CDK1: variants seen among roughly 807,000 people sequenced by gnomAD.
The protein encoded by CDK1 is cyclin-dependent kinase 1.
A neutral mutation model predicts 34.6 loss-of-function variants in CDK1; 5 were observed. That is an observed-to-expected ratio of 0.14 (90% CI 0.08 to 0.30). The LOEUF is 0.30. CDK1 is among the 10% of genes least tolerant of loss of function. CDK1 has a pLI of 1.00. For missense variants in CDK1, 157 were observed against 345.7 expected (o/e 0.45, Z 4.33); for synonymous variants, 108 against 114.7 (o/e 0.94, Z 0.37).
chr10:60,788,758 T>A (rs985615217), intron 5 of CDK1, among the ~76,000 whole-genome samples: 2 of 152,098 alleles, frequency 1.3e-5, no homozygotes, highest in Non-Finnish European at 2.9e-5. Context: ...GCATTTAGTG[T>A]TTCTGAAGGA....
At chr10:60,787,761 G>A (rs1018415617) in intron 4 of CDK1, 2 of 171,484 alleles carry the variant, frequency 1.2e-5, no homozygotes, top group African/African-American at 4.7e-5. Flanking sequence ...AAATCAAGAG[G>A]CTTCTGTGTA....
intron 7 of CDK1, among the ~76,000 whole-genome samples, chr10:60,793,003 T>C (rs3213078): frequency 0.3 from 45,123 of 151,980 alleles, 6,843 homozygotes; most frequent in Middle Eastern, 0.33. Flanking sequence ...CAACCAAAAG[T>C]GTCTCCAGAT....
At chr10:60,781,146 A>G (rs1241585005) in intron 2 of CDK1, among the ~76,000 whole-genome samples, 1 of 152,072 alleles carries the variant, frequency 6.6e-6, no homozygotes, top group Admixed American at 6.6e-5. Flanking sequence ...TAGTATGTCT[A>G]ATGCTGTGTA....
At chr10:60,782,212 A>G (rs1016261526) in intron 2 of CDK1, among the ~76,000 whole-genome samples, 3 of 152,158 alleles carry the variant, frequency 2.0e-5, no homozygotes, top group African/African-American at 7.2e-5. Flanking sequence ...AACTTGTAAT[A>G]TTTTTACCAA....
intron 2 of CDK1, among the ~76,000 whole-genome samples, chr10:60,780,541 T>C (rs188329970): frequency 3.4e-4 from 52 of 152,274 alleles, no homozygotes; most frequent in Non-Finnish European, 5.9e-5. Flanking sequence ...TATGCTAACT[T>C]CATAATATAT....
intron 5 of CDK1, among the ~76,000 whole-genome samples, chr10:60,790,047 A>G (rs542261581): frequency 6.6e-6 from 1 of 152,144 alleles, no homozygotes. Context: ...GTCTTTTGAG[A>G]AAGTTTTATT....
intron 4 of CDK1, chr10:60,786,125 C>G: frequency 1.0e-6 from 1 of 970,638 alleles, no homozygotes; most frequent in Non-Finnish European, 1.2e-6. Context: ...GTGTTTTATT[C>G]CAGTTTTGAA....
intron 2 of CDK1, among the ~76,000 whole-genome samples, chr10:60,782,190 A>C (rs1308783396): frequency 2.6e-5 from 4 of 152,198 alleles, no homozygotes; most frequent in African/African-American, 9.7e-5. Context: ...ATATTGAAAG[A>C]TTTATGCAAT....
rs749208533 is a variant in CDK1, at chr10:60,784,698, G to T, written c.38-7G>T. ...TGTCACACAGCATATTATTTACTTT[G>T]TTTCAGGTACCTATGGAGTTGTGTA... On this transcript the variant is annotated splice_region_variant and splice_polypyrimidine_tract_variant and intron_variant, in intron 2 of 7. Transcript: ENST00000395284. The T allele has an allele frequency of 1.2e-6, 2 of 1,603,160 alleles. No homozygotes were observed. Among genetic ancestry groups the T allele is most frequent in the Middle Eastern group, 1.7e-4 (1 of 6,022 alleles).
At chr10:60,779,856 T>C (rs2080256985) in intron 1 of CDK1, among the ~76,000 whole-genome samples, 1 of 152,210 alleles carries the variant, frequency 6.6e-6, no homozygotes, top group Admixed American at 6.5e-5. Flanking sequence ...TTGGAAAGAA[T>C]AGACAAGTTG....
chr10:60,784,700 T>C lies in CDK1; in HGVS notation c.38-5T>C. The C allele has an allele frequency of 1.2e-6, 2 of 1,607,544 alleles. No homozygotes were observed. The highest frequency in any genetic ancestry group is 1.7e-6 in the Non-Finnish European group (2 of 1,175,752). ...TCACACAGCATATTATTTACTTTGT[T>C]TCAGGTACCTATGGAGTTGTGTATA... On this transcript the variant is annotated splice_region_variant and splice_polypyrimidine_tract_variant and intron_variant, in intron 2 of 7. Coordinates refer to ENST00000395284, the MANE Select transcript of CDK1 (RefSeq NM_001786.5).
At chr10:60,782,691 T>C (rs1034144241) in intron 2 of CDK1, among the ~76,000 whole-genome samples, 1 of 152,186 alleles carries the variant, frequency 6.6e-6, no homozygotes, top group Non-Finnish European at 1.5e-5. Context: ...GATCTCCTTC[T>C]AGGCTTACCT....
chr10:60,792,931 G>C (rs768793947), intron 7 of CDK1, among the ~76,000 whole-genome samples: 1 of 152,012 alleles, frequency 6.6e-6, no homozygotes, highest in Non-Finnish European at 1.5e-5. Flanking sequence ...AACTTGTTTA[G>C]TGGCATGTCA....
In CDK1 at chr10:60,784,784, T is replaced by TGAAGAG; in HGVS notation, c.122_127dup (p.Glu41_Glu42dup). The TGAAGAG allele has an allele frequency of 6.2e-7, 1 of 1,612,682 alleles. No individual in the cohort carries two copies. The highest frequency in any genetic ancestry group is 1.3e-5 in the African/African-American group (1 of 74,908). ...CCATGAAAAAAATCAGACTAGAAAG[T>TGAAGAG]GAAGAGGAAGGGGTTCCTAGTACTG... On this transcript the variant is annotated inframe_insertion, in exon 3 of 8. Transcript: ENST00000395284.
chr10:60,786,116 T>A (rs1199157982), intron 4 of CDK1: 15 of 986,352 alleles, frequency 1.5e-5, no homozygotes, highest in Non-Finnish European at 1.7e-5. Flanking sequence ...TGGTTGTAGG[T>A]GTTTTATTCC....
Position 60,787,945 on chromosome 10 carries a change from G to A in CDK1, c.319-115G>A, listed in dbSNP as rs192968417. ...AATGCTTATTAGCCTAAAATGGCCT[G>A]AAAGCTCTAGTAATTAAATTATTTC... On this transcript the variant is annotated intron_variant, in intron 4 of 7. Transcript: ENST00000395284. 516 of 552,324 alleles carry A rather than the reference G, an allele frequency of 9.3e-4. 3 individuals carry two copies. Among genetic ancestry groups the A allele is most frequent in the Non-Finnish European group, 9.0e-5 (29 of 323,358 alleles). 34.2% of individuals were successfully genotyped at this position (552,324 alleles called of 1,614,324 possible).
intron 2 of CDK1, among the ~76,000 whole-genome samples, chr10:60,782,717 G>A (rs1399585396): frequency 6.6e-6 from 1 of 151,894 alleles, no homozygotes; most frequent in Non-Finnish European, 1.5e-5. Flanking sequence ...AATGATTTTT[G>A]CCTCCTTAGT....
intron 5 of CDK1, among the ~76,000 whole-genome samples, chr10:60,791,050 T>C (rs2080356441): frequency 1.3e-5 from 2 of 152,146 alleles, no homozygotes; most frequent in South Asian, 4.1e-4. Context: ...GATTTCTTTT[T>C]ATTTCTGTGA....
chr10:60,790,103 T>A (rs2080348912), intron 5 of CDK1, among the ~76,000 whole-genome samples: 1 of 152,224 alleles, frequency 6.6e-6, no homozygotes, highest in South Asian at 2.1e-4. Context: ...CTATTTTTTT[T>A]ATTCTGGATG....
Sources: gnomAD v4.1 joint callset for allele counts (sites outside exome capture counted in the v4.1 genomes callset) on GRCh38, gnomAD v4.1.1 for gene constraint, MANE v1.5 for transcripts, NCBI Gene and HGNC (gene_info 2026-07-23, HGNC 2026-07-21) for gene names.